Variants in SEMA5A observed in about 807,000 individuals in gnomAD.
SEMA5A encodes the protein semaphorin 5A, also known as semaphorin-5A.
Under a neutral mutation model 135.5 loss-of-function variants are expected in SEMA5A, and 55 were observed. The ratio of observed to expected loss-of-function variants is 0.41; its 90% CI spans 0.33 to 0.51. The LOEUF (loss-of-function observed/expected upper bound fraction) is 0.51, where lower values mean the gene tolerates loss of function less well. SEMA5A is among the 20% of genes least tolerant of loss of function. The pLI is 0.37. For missense variants in SEMA5A, 1,290 were observed against 1,419.9 expected, an observed-to-expected ratio of 0.91 and a Z score of 1.47; for synonymous variants, 580 against 546.5, an observed-to-expected ratio of 1.06 and a Z score of -0.85.
chr5:9,473,122 A>AATAAAT (rs1253637584), intron 1 of SEMA5A, among the ~76,000 whole-genome samples: 2 of 120,196 alleles, frequency 1.7e-5, no homozygotes, highest in East Asian at 2.9e-4. Context: ...AACAAAATAA[A>AATAAAT]ATATATATAT....
intron 5 of SEMA5A, among the ~76,000 whole-genome samples, chr5:9,285,793 G>A (rs1348650593): frequency 6.6e-6 from 1 of 152,242 alleles, no homozygotes; most frequent in Non-Finnish European, 1.5e-5. Flanking sequence ...CTCCTATAAT[G>A]ACCTTGACCC....
chr5:9,516,496 T>C (rs1659711822), intron 1 of SEMA5A: 1 of 152,180 alleles, frequency 6.6e-6, no homozygotes, highest in Non-Finnish European at 1.5e-5. Flanking sequence ...TAACGCCCAC[T>C]GGACAAAATT....
intron 18 of SEMA5A, among the ~76,000 whole-genome samples, chr5:9,061,371 T>A (rs1453426914): frequency 6.6e-6 from 1 of 152,160 alleles, no homozygotes; most frequent in Non-Finnish European, 1.5e-5. Flanking sequence ...TTCTAGTATG[T>A]GCCAGGCCCC....
chr5:9,350,387 A>T (rs1754061189), intron 3 of SEMA5A, among the ~76,000 whole-genome samples: 1 of 152,210 alleles, frequency 6.6e-6, no homozygotes, highest in Non-Finnish European at 1.5e-5. Flanking sequence ...AGCATGTTCC[A>T]AGAGAGTGTC....
intron 2 of SEMA5A, among the ~76,000 whole-genome samples, chr5:9,428,563 T>A (rs1305015697): frequency 6.6e-6 from 1 of 152,182 alleles, no homozygotes; most frequent in Non-Finnish European, 1.5e-5. Flanking sequence ...TAGATAACCA[T>A]TAATAAGAAA....
intron 2 of SEMA5A, among the ~76,000 whole-genome samples, chr5:9,420,758 C>A (rs145023980): frequency 1.3e-5 from 2 of 151,906 alleles, no homozygotes; most frequent in African/African-American, 4.8e-5. Context: ...CTCATGCCTG[C>A]GACCCCAACA....
At chr5:9,319,123 G>T (rs571539580) in intron 4 of SEMA5A, among the ~76,000 whole-genome samples, 1 of 152,170 alleles carries the variant, frequency 6.6e-6, no homozygotes, top group Non-Finnish European at 1.5e-5. Flanking sequence ...AGGATGCTTT[G>T]GTCCTGGGAG....
intron 5 of SEMA5A, among the ~76,000 whole-genome samples, chr5:9,288,990 G>A (rs532051307): frequency 2.6e-5 from 4 of 152,126 alleles, no homozygotes; most frequent in South Asian, 2.1e-4. Flanking sequence ...GAATCCTAGC[G>A]TAGTGACATT....
At chr5:9,402,740 C>T (rs746649253) in intron 2 of SEMA5A, among the ~76,000 whole-genome samples, 2 of 152,232 alleles carry the variant, frequency 1.3e-5, no homozygotes, top group Non-Finnish European at 2.9e-5. Context: ...GTTCCCAATA[C>T]ACCATCAGAA....
chr5:9,474,893 C>T (rs1306215458), intron 1 of SEMA5A, among the ~76,000 whole-genome samples: 1 of 152,154 alleles, frequency 6.6e-6, no homozygotes, highest in African/African-American at 2.4e-5. Context: ...GTGTTGGAAC[C>T]CACCTCCATT....
chr5:9,364,553 A>G lies in SEMA5A; in HGVS notation c.124+15270T>C, dbSNP rs115237571. 1.1e-3 allele frequency among the ~76,000 whole-genome samples: 170 copies of G among 152,336 alleles called. 1 individual carries two copies. Among genetic ancestry groups the G allele is most frequent in the African/African-American group, 3.9e-3 (164 of 41,580 alleles). On this transcript the variant is annotated intron_variant, in intron 3 of 22. Transcript: ENST00000382496. ...GGAGAAAAAAGCTTAAGAGGTTTCAAATAAACAGCTTATCAATATCAAATA... is the reference window on the plus strand; with the variant it reads ...GGAGAAAAAAGCTTAAGAGGTTTCAGATAAACAGCTTATCAATATCAAATA...
In SEMA5A at chr5:9,226,984, AAATT is replaced by A; in HGVS notation, c.334-21_334-18del. 1 of 1,316,220 alleles carries A rather than the reference AAATT, an allele frequency of 7.6e-7. No homozygotes were observed. 81.5% of individuals were successfully genotyped at this position (1,316,220 alleles called of 1,614,324 possible). On this transcript the variant is annotated intron_variant, in intron 6 of 22. Coordinates refer to ENST00000382496, the MANE Select transcript of SEMA5A (RefSeq NM_003966.3). ...ACATTCCTCCTGAGGGAAAATAAAT[AAATT>A]AATTAAAAATATATATATATATGTA...
intron 2 of SEMA5A, among the ~76,000 whole-genome samples, chr5:9,407,569 G>T (rs558132878): frequency 2.5e-4 from 38 of 152,274 alleles, no homozygotes; most frequent in Non-Finnish European, 4.7e-4. Context: ...AGTGTATTTT[G>T]GTCCCATAAG....
At chr5:9,097,751 A>G (rs1057080063) in intron 16 of SEMA5A, among the ~76,000 whole-genome samples, 3 of 152,224 alleles carry the variant, frequency 2.0e-5, no homozygotes, top group African/African-American at 7.2e-5. Flanking sequence ...TCCTGGAACC[A>G]TGGCCCAGCC....
chr5:9,078,919 AG>A, intron 16 of SEMA5A, among the ~76,000 whole-genome samples: 1 of 152,280 alleles, frequency 6.6e-6, no homozygotes, highest in South Asian at 2.1e-4. Flanking sequence ...CCTGATGATT[AG>A]TCTATGATAA....
intron 1 of SEMA5A, among the ~76,000 whole-genome samples, chr5:9,450,712 C>T (rs1758610739): frequency 6.6e-6 from 1 of 151,294 alleles, no homozygotes; most frequent in Non-Finnish European, 1.5e-5. Flanking sequence ...CACATATGTG[C>T]TCTGGCTAAA....
intron 2 of SEMA5A, among the ~76,000 whole-genome samples, chr5:9,423,916 A>C (rs770552669): frequency 1.3e-5 from 2 of 152,210 alleles, no homozygotes; most frequent in Admixed American, 6.5e-5. Flanking sequence ...TACATTGACA[A>C]AAATTCTCAG....
intron 1 of SEMA5A, among the ~76,000 whole-genome samples, chr5:9,518,257 A>C (rs143202637): frequency 1.2e-3 from 176 of 152,308 alleles, no homozygotes; most frequent in African/African-American, 4.0e-3. Flanking sequence ...ACTCCATTTA[A>C]ATCTACAATT....
In SEMA5A at chr5:9,120,784, A is replaced by ATT. The variant is rs11458510; in HGVS notation, c.1782-1645_1782-1644dup. On this transcript the variant is annotated intron_variant, in intron 14 of 22. Transcript: ENST00000382496. ...TAAATCTTTTAGCAAATGTGGATTGATTTTTTTTTTTTTGAGACAGAGTCT... is the reference window on the plus strand; with the variant it reads ...TAAATCTTTTAGCAAATGTGGATTGATTTTTTTTTTTTTTTGAGACAGAGTCT... Among the ~76,000 whole-genome samples, 766 of 146,296 alleles carry ATT rather than the reference A, an allele frequency of 5.2e-3. 4 individuals are homozygous for ATT. The highest frequency in any genetic ancestry group is 0.013 in the African/African-American group (523 of 39,772).
Sources: gnomAD v4.1 joint callset for allele counts (sites outside exome capture counted in the v4.1 genomes callset) on GRCh38, gnomAD v4.1.1 for gene constraint, MANE v1.5 for transcripts, NCBI Gene and HGNC (gene_info 2026-07-23, HGNC 2026-07-21) for gene names.